LRFN2: variants seen among roughly 807,000 people sequenced by gnomAD.
The protein encoded by LRFN2 is leucine-rich repeat and fibronectin type-III domain-containing protein 2.
A neutral mutation model predicts 37.3 loss-of-function variants in LRFN2; 18 were observed. The observed-to-expected ratio is 0.48, with a 90% CI of 0.33 to 0.72. The LOEUF (loss-of-function observed/expected upper bound fraction) is 0.72. Ranked by LOEUF, LRFN2 falls within the 30% of genes least tolerant of loss-of-function variation. The pLI is 0.02. For missense variants in LRFN2, 1,006 were observed against 1,060.7 expected, an observed-to-expected ratio of 0.95 and a Z score of 0.72; for synonymous variants, 556 against 466.6, an observed-to-expected ratio of 1.19 and a Z score of -2.47.
At chr6:40,555,844 T>C (rs1766865230) in intron 1 of LRFN2, among the ~76,000 whole-genome samples, 1 of 151,942 alleles carries the variant, frequency 6.6e-6, no homozygotes. Flanking sequence ...CACCCATCCC[T>C]CCCCACACCG....
intron 2 of LRFN2, among the ~76,000 whole-genome samples, chr6:40,428,195 T>C (rs1763397635): frequency 6.6e-6 from 1 of 152,254 alleles, no homozygotes; most frequent in Non-Finnish European, 1.5e-5. Context: ...CTGTTGCTGC[T>C]GCTGCTTTTC....
intron 1 of LRFN2, among the ~76,000 whole-genome samples, chr6:40,468,296 G>A (rs1400855383): frequency 1.3e-5 from 2 of 152,048 alleles, no homozygotes; most frequent in Non-Finnish European, 2.9e-5. Context: ...GATGATCCAG[G>A]CCTCATTAGC....
At chr6:40,510,391 C>T (rs751227047) in intron 1 of LRFN2, among the ~76,000 whole-genome samples, 3 of 152,226 alleles carry the variant, frequency 2.0e-5, no homozygotes, top group Non-Finnish European at 4.4e-5. Flanking sequence ...TGATGCCTCC[C>T]TGGTCATCTG....
intron 1 of LRFN2, among the ~76,000 whole-genome samples, chr6:40,435,036 TATATATATATATATATAGAG>T (rs1442204175): frequency 8.6e-4 from 80 of 92,994 alleles, no homozygotes; most frequent in African/African-American, 3.4e-3. Flanking sequence ...TATATATATA[TATATATATATATATATAGAG>T]AGAGAGAGAG....
chr6:40,490,194 C>T (rs1336684498), intron 1 of LRFN2, among the ~76,000 whole-genome samples: 6 of 152,230 alleles, frequency 3.9e-5, no homozygotes, highest in Non-Finnish European at 7.3e-5. Flanking sequence ...AACTAATCCA[C>T]GTTTGCCTCT....
chr6:40,543,726 G>T (rs1294122767), intron 1 of LRFN2, among the ~76,000 whole-genome samples: 2 of 152,200 alleles, frequency 1.3e-5, no homozygotes, highest in Non-Finnish European at 2.9e-5. Context: ...TCCCTTGCCT[G>T]GGCATCTTTT....
intron 2 of LRFN2, among the ~76,000 whole-genome samples, chr6:40,393,569 G>A (rs1045448197): frequency 6.6e-6 from 1 of 152,046 alleles, no homozygotes; most frequent in Admixed American, 6.5e-5. Flanking sequence ...AGGTTAAAGT[G>A]TGAAGAAGCA....
At chr6:40,573,992 A>G (rs1320273048) in intron 1 of LRFN2, among the ~76,000 whole-genome samples, 1 of 152,096 alleles carries the variant, frequency 6.6e-6, no homozygotes, top group Admixed American at 6.5e-5. Flanking sequence ...ACAAACCACA[A>G]CTGAAAGTAC....
In LRFN2 at chr6:40,392,993, C is replaced by A; in HGVS notation, c.1401-81G>T. The A allele has an allele frequency of 6.6e-6, 8 of 1,220,286 alleles. No individual in the cohort carries two copies. Among genetic ancestry groups the A allele is most frequent in the Admixed American group, 2.8e-5 (1 of 36,224 alleles). 75.6% of individuals were successfully genotyped at this position (1,220,286 alleles called of 1,614,324 possible). On this transcript the variant is annotated intron_variant, in intron 2 of 2. Transcript: ENST00000338305. This position sits in a 1 kb window ranked among gnomAD's most constrained non-coding sequence, Gnocchi z 4.7. ...GATGGGGAGTGGACAGAGGTAGAAA[C>A]AGAGTGACAGAGATGGGGAGGGGGA... is the stretch of plus-strand genomic sequence containing the variant.
intron 1 of LRFN2, among the ~76,000 whole-genome samples, chr6:40,576,441 A>G (rs772014551): frequency 6.6e-5 from 10 of 152,164 alleles, no homozygotes; most frequent in Non-Finnish European, 1.2e-4. Context: ...AAACCAATAT[A>G]CAGTAAATAT....
intron 1 of LRFN2, among the ~76,000 whole-genome samples, chr6:40,581,181 C>T (rs2113800396): frequency 6.6e-6 from 1 of 152,286 alleles, no homozygotes; most frequent in South Asian, 2.1e-4. Context: ...CAGGTCAGTG[C>T]TGTCTGGCAG....
chr6:40,549,247 G>C (rs1279547699), intron 1 of LRFN2, among the ~76,000 whole-genome samples: 1 of 152,200 alleles, frequency 6.6e-6, no homozygotes, highest in Admixed American at 6.5e-5. Context: ...ACTTGAGAAA[G>C]AGAGGAGGTT....
At chr6:40,433,523 T>C (rs1763566881) in intron 1 of LRFN2, among the ~76,000 whole-genome samples, 1 of 151,726 alleles carries the variant, frequency 6.6e-6, no homozygotes, top group Non-Finnish European at 1.5e-5. Context: ...GATGGATGGG[T>C]GGATGGATGG....
intron 2 of LRFN2, among the ~76,000 whole-genome samples, chr6:40,420,479 T>TC (rs929781800): frequency 1.3e-4 from 19 of 151,944 alleles, no homozygotes; most frequent in African/African-American, 4.1e-4. Flanking sequence ...CCCATCAGCT[T>TC]CCCCCCCAGG....
At chr6:40,585,834 C>T (rs1266884008) in intron 1 of LRFN2, among the ~76,000 whole-genome samples, 1 of 150,678 alleles carries the variant, frequency 6.6e-6, no homozygotes, top group Non-Finnish European at 1.5e-5. Flanking sequence ...CATACACATG[C>T]GTACACACAC....
At chr6:40,462,357 C>T (rs1326927167) in intron 1 of LRFN2, among the ~76,000 whole-genome samples, 1 of 152,134 alleles carries the variant, frequency 6.6e-6, no homozygotes, top group East Asian at 1.9e-4. Flanking sequence ...TTGCAGGATT[C>T]CAGGTACCCT....
At chr6:40,435,032 TATATATATATATATATATATAGAG>T (rs1196055696) in intron 1 of LRFN2, among the ~76,000 whole-genome samples, 4 of 92,900 alleles carry the variant, frequency 4.3e-5, no homozygotes, top group African/African-American at 1.2e-4. Flanking sequence ...TATATATATA[TATATATATATATATATATATAGAG>T]AGAGAGAGAG....
chr6:40,506,617 T>A (rs921062581), intron 1 of LRFN2, among the ~76,000 whole-genome samples: 5 of 152,168 alleles, frequency 3.3e-5, no homozygotes, highest in African/African-American at 1.2e-4. Flanking sequence ...CCCAGGCATG[T>A]TCCTATATGC....
At chr6:40,425,884 T>C (rs1039621203) in intron 2 of LRFN2, among the ~76,000 whole-genome samples, 4 of 152,260 alleles carry the variant, frequency 2.6e-5, no homozygotes, top group African/African-American at 4.8e-5. Flanking sequence ...GTCTGAGTTA[T>C]CCATGATTTG....
Sources: gnomAD v4.1 joint callset for allele counts (sites outside exome capture counted in the v4.1 genomes callset) on GRCh38, gnomAD v4.1.1 for gene constraint, Gnocchi (gnomAD v3.1) non-coding constraint, MANE v1.5 for transcripts, NCBI Gene and HGNC (gene_info 2026-07-23, HGNC 2026-07-21) for gene names.